ABLIM1: variants seen among roughly 807,000 people sequenced by gnomAD.
ABLIM1 encodes the protein actin-binding LIM protein 1.
A neutral mutation model predicts 107.0 loss-of-function variants in ABLIM1; 40 were observed. The ratio of observed to expected loss-of-function variants is 0.37; its 90% CI spans 0.29 to 0.49. The LOEUF (loss-of-function observed/expected upper bound fraction) is 0.49. Among genes scored for constraint, ABLIM1 ranks in the 20% least tolerant of loss-of-function variants. The probability of loss-of-function intolerance (pLI) is 0.97; values close to 1 mark genes in which losing one functional copy is unlikely to be tolerated. For missense variants in ABLIM1, 857 were observed against 1,008.5 expected, an observed-to-expected ratio of 0.85 and a Z score of 2.04; for synonymous variants, 357 against 357.3, an observed-to-expected ratio of 1.00 and a Z score of 0.01.
chr10:114,530,071 A>C (rs1053836461), intron 6 of ABLIM1, among the ~76,000 whole-genome samples: 1 of 152,138 alleles, frequency 6.6e-6, no homozygotes, highest in Non-Finnish European at 1.5e-5. Flanking sequence ...GGGCAGAGGG[A>C]TGTGTTTGAA....
intron 1 of ABLIM1, among the ~76,000 whole-genome samples, chr10:114,670,650 G>A (rs997740663): frequency 1.3e-5 from 2 of 152,024 alleles, no homozygotes; most frequent in Admixed American, 6.5e-5. Flanking sequence ...GTGCCACCAC[G>A]CCCAGCTAAT....
At chr10:114,611,470 G>GAA (rs35745645) in intron 1 of ABLIM1, among the ~76,000 whole-genome samples, 72 of 143,936 alleles carry the variant, frequency 5.0e-4, no homozygotes, top group South Asian at 8.9e-4. Context: ...ACTCTGCCTA[G>GAA]AAAAAAAAAA....
Position 114,572,299 on chromosome 10 carries a change from A to G in ABLIM1, c.564-893T>C, listed in dbSNP as rs370730863. 8.3e-4 allele frequency among the ~76,000 whole-genome samples: 127 copies of G among 152,362 alleles called. 3 individuals are homozygous for G. In the South Asian group the frequency reaches 0.025, roughly 31 times the overall value. On this transcript the variant is annotated intron_variant, in intron 3 of 22. Coordinates refer to ENST00000533213, the MANE Select transcript of ABLIM1 (RefSeq NM_002313.7). ...AACATCACCACAAATCTTAGTTAGA[A>G]GCAATTACTTAAGAGCAAGTACCAG...
chr10:114,497,944 T>G (rs993233802), intron 6 of ABLIM1, among the ~76,000 whole-genome samples: 2 of 152,234 alleles, frequency 1.3e-5, no homozygotes, highest in African/African-American at 4.8e-5. Context: ...GTATGAACTT[T>G]AGCATACAAA....
chr10:114,477,372 G>A (rs759046567), intron 8 of ABLIM1, among the ~76,000 whole-genome samples: 4 of 152,114 alleles, frequency 2.6e-5, no homozygotes, highest in Non-Finnish European at 5.9e-5. Flanking sequence ...AGATGTCTTC[G>A]GTTACTGGGG....
chr10:114,656,513 C>T (rs1277852665), intron 1 of ABLIM1, among the ~76,000 whole-genome samples: 2 of 151,952 alleles, frequency 1.3e-5, no homozygotes, highest in East Asian at 3.9e-4. Flanking sequence ...TATGATGATC[C>T]TTTTGATGTG....
intron 8 of ABLIM1, among the ~76,000 whole-genome samples, chr10:114,476,646 AAATAATAATAATAATAAT>A (rs141618382): frequency 7.0e-6 from 1 of 143,284 alleles, no homozygotes; most frequent in Non-Finnish European, 1.5e-5. Context: ...CTCTGCCTCA[AAATAATAATAATAATAAT>A]AATAATAATA....
chr10:114,769,466 A>G (rs920910798), upstream of ABLIM1, among the ~76,000 whole-genome samples: 1 of 111,126 alleles, frequency 9.0e-6, no homozygotes, highest in Non-Finnish European at 2.1e-5. Flanking sequence ...AAAGAAAGAA[A>G]GAAAGAAAGA....
chr10:114,440,053 C>T (rs762181191), intron 20 of ABLIM1, 29 bp downstream of exon 20: 1 of 1,613,578 alleles, frequency 6.2e-7, no homozygotes. Flanking sequence ...TCGGTGTGGC[C>T]AATTCAAGAA....
the ABLIM1 span, among the ~76,000 whole-genome samples, chr10:114,799,890 C>CTCAG: frequency 6.6e-6 from 1 of 152,204 alleles, no homozygotes; most frequent in Non-Finnish European, 1.5e-5. Context: ...ATTCTCCAGG[C>CTCAG]TCAGCCTCCT....
intron 1 of ABLIM1, among the ~76,000 whole-genome samples, chr10:114,746,874 C>G (rs1042163640): frequency 6.6e-6 from 1 of 152,146 alleles, no homozygotes; most frequent in African/African-American, 2.4e-5. Flanking sequence ...CTATTCATAT[C>G]CTTTACCGAT....
At chr10:114,607,328 G>C (rs1257657958) in intron 1 of ABLIM1, among the ~76,000 whole-genome samples, 1 of 152,142 alleles carries the variant, frequency 6.6e-6, no homozygotes, top group Non-Finnish European at 1.5e-5. Context: ...CCGAAGTGTT[G>C]GGATTACAGG....
At position 114,518,805 on chromosome 10, in the gene ABLIM1, T is replaced by C. The variant is rs1448905544; in HGVS notation, c.894+26200A>G. Reference sequence around the variant, plus strand: ...CAGTTATTCATTTATTTATTTACGATGAGCTCACACTACTTAAAAAAAAAA... The same window carrying C: ...CAGTTATTCATTTATTTATTTACGACGAGCTCACACTACTTAAAAAAAAAA... On this transcript the variant is annotated intron_variant, in intron 6 of 22. Transcript: ENST00000533213. Among the ~76,000 whole-genome samples, 2 of 143,552 alleles carry C rather than the reference T, an allele frequency of 1.4e-5. 1 individual carries two copies. Among genetic ancestry groups the C allele is most frequent in the South Asian group, 4.8e-4 (2 of 4,138 alleles). 94.2% of individuals were successfully genotyped at this position (143,552 alleles called of 152,430 possible). A position where few individuals can be genotyped will look rare whatever the true frequency, so the allele number is the denominator to read the frequency against.
At chr10:114,686,570 T>G (rs146578375), upstream of ABLIM1, among the ~76,000 whole-genome samples, 1 of 151,694 alleles carries the variant, frequency 6.6e-6, no homozygotes, top group Non-Finnish European at 1.5e-5. Context: ...TTGTTTAAAA[T>G]GCACAATTTT....
chr10:114,622,961 C>CT (rs1037457314), intron 1 of ABLIM1, among the ~76,000 whole-genome samples: 1 of 152,092 alleles, frequency 6.6e-6, no homozygotes, highest in Non-Finnish European at 1.5e-5. Flanking sequence ...ACTCTTTTCC[C>CT]TTTTTTTCGT....
At chr10:114,474,016 C>T (rs980559058) in intron 8 of ABLIM1, 60 bp from the exon 9 acceptor site, 5 of 1,332,942 alleles carry the variant, frequency 3.8e-6, no homozygotes, top group African/African-American at 2.9e-5. Flanking sequence ...CTAGACTGTC[C>T]TGGGCCCTTA....
At chr10:114,649,189 G>T (rs2079134868) in intron 1 of ABLIM1, among the ~76,000 whole-genome samples, 1 of 151,942 alleles carries the variant, frequency 6.6e-6, no homozygotes, top group Admixed American at 6.6e-5. Flanking sequence ...TTTGAGGTCA[G>T]GAGTTCAAGA....
At chr10:114,698,667 C>G (rs916114843) in intron 1 of ABLIM1, among the ~76,000 whole-genome samples, 1 of 152,116 alleles carries the variant, frequency 6.6e-6, no homozygotes, top group Non-Finnish European at 1.5e-5. Context: ...TAAAAGCTAT[C>G]AGATACCAGT....
intron 6 of ABLIM1, among the ~76,000 whole-genome samples, chr10:114,496,871 C>G (rs568046169): frequency 6.6e-6 from 1 of 152,228 alleles, no homozygotes; most frequent in Non-Finnish European, 1.5e-5. Context: ...ATGCTCAAGA[C>G]AAAGGAGGCC....
Sources: allele counts gnomAD v4.1 joint callset (sites outside exome capture counted in the v4.1 genomes callset), GRCh38; gene constraint gnomAD v4.1.1; transcripts MANE v1.5; gene names NCBI Gene and HGNC (gene_info 2026-07-23, HGNC 2026-07-21).